The following AIMP1 variants were observed in gnomAD, a reference collection of about 807,000 sequenced individuals.
AIMP1 encodes the protein aminoacyl tRNA synthase complex-interacting multifunctional protein 1.
Under a neutral mutation model 33.1 loss-of-function variants are expected in AIMP1, and 24 were observed. The ratio of observed to expected loss-of-function variants is 0.73; its 90% CI spans 0.53 to 1.02. The LOEUF (loss-of-function observed/expected upper bound fraction) is 1.02. Ranked by LOEUF, AIMP1 falls within the 50% of genes least tolerant of loss-of-function variation. The pLI is 0.00. For missense variants in AIMP1, 367 were observed against 364.8 expected (o/e 1.01, Z -0.05); for synonymous variants, 120 against 121.5 (o/e 0.99, Z 0.08).
chr4:106,340,208 G>A (rs954352185), intron 6 of AIMP1, among the ~76,000 whole-genome samples: 2 of 151,842 alleles, frequency 1.3e-5, no homozygotes, highest in Non-Finnish European at 2.9e-5. Flanking sequence ...TTGTAGAAAT[G>A]ACTGAGGATT....
intron 1 of AIMP1, among the ~76,000 whole-genome samples, chr4:106,324,472 A>G (rs543609368): frequency 6.6e-6 from 1 of 152,176 alleles, no homozygotes; most frequent in South Asian, 2.1e-4. Flanking sequence ...TTATATCTGA[A>G]CAAGCATATG....
chr4:106,318,137 G>A (rs1769053622), intron 1 of AIMP1, among the ~76,000 whole-genome samples: 1 of 152,152 alleles, frequency 6.6e-6, no homozygotes, highest in Non-Finnish European at 1.5e-5. Flanking sequence ...TGTCTGGTAA[G>A]GGAAATAGGA....
chr4:106,316,647 A>G, intron 1 of AIMP1, 53 bp downstream of exon 1: 1 of 1,531,560 alleles, frequency 6.5e-7, no homozygotes, highest in Non-Finnish European at 8.8e-7. Context: ...TTGCGATCGT[A>G]GGGGTCTTCC....
intron 5 of AIMP1, among the ~76,000 whole-genome samples, chr4:106,332,679 A>G (rs1229186199): frequency 6.7e-6 from 1 of 149,580 alleles, no homozygotes; most frequent in Admixed American, 6.7e-5. Context: ...ATAGATATAT[A>G]CTCATTATAC....
At chr4:106,345,062 A>G (rs545688396) in intron 6 of AIMP1, among the ~76,000 whole-genome samples, 24 of 152,328 alleles carry the variant, frequency 1.6e-4, no homozygotes, top group Non-Finnish European at 2.9e-4. Flanking sequence ...TACAATGACC[A>G]GCACCTAGTA....
chr4:106,341,306 T>C (rs2125928062), intron 6 of AIMP1, among the ~76,000 whole-genome samples: 1 of 152,334 alleles, frequency 6.6e-6, no homozygotes, highest in African/African-American at 2.4e-5. Context: ...TTTTGGAGAC[T>C]TCGTCATAAA....
intron 2 of AIMP1, among the ~76,000 whole-genome samples, chr4:106,325,356 G>T (rs1769418698): frequency 6.6e-6 from 1 of 151,850 alleles, no homozygotes. Context: ...AAAATCTTTT[G>T]CTGTCACTAG....
rs543994796 is a variant in AIMP1, at chr4:106,322,203, T to C, written c.-25-2782T>C. The stretch of plus-strand genomic sequence containing the variant: ...CCAGAGACCTTTGTTCATATGTTTA[T>C]CTGCTGACCTTCCCTCCACTATTGT... On this transcript the variant is annotated intron_variant, in intron 1 of 6. Transcript: ENST00000672341. Among the ~76,000 whole-genome samples, 563 of 152,116 alleles carry C rather than the reference T, an allele frequency of 3.7e-3. 3 individuals carry two copies. The highest frequency in any genetic ancestry group is 0.013 in the African/African-American group (535 of 41,478).
At chr4:106,328,337 A>C in intron 4 of AIMP1, 94 bp downstream of exon 4, 1 of 1,421,022 alleles carries the variant, frequency 7.0e-7, no homozygotes, top group African/African-American at 1.4e-5. Context: ...TCAAAAGTAA[A>C]GTTCAACTTT....
Position 106,347,908 on chromosome 4 carries a change from G to T in AIMP1, c.*216G>T. On this transcript the variant is annotated 3_prime_UTR_variant, in exon 7 of 7. Coordinates refer to ENST00000672341, the MANE Select transcript of AIMP1 (RefSeq NM_001142416.2). ...TCATTTATAATGGAGAGAGGAAGTTGCCTATGTTTTGTAATAATTTATTTT... is the reference window on the plus strand; with the variant it reads ...TCATTTATAATGGAGAGAGGAAGTTTCCTATGTTTTGTAATAATTTATTTT... 2.5e-6 allele frequency: 1 copy of T among 398,056 alleles called. No individual in the cohort carries two copies. 24.7% of individuals were successfully genotyped at this position (398,056 alleles called of 1,614,324 possible).
At chr4:106,333,709 G>C (rs998685819) in intron 5 of AIMP1, among the ~76,000 whole-genome samples, 9 of 152,110 alleles carry the variant, frequency 5.9e-5, no homozygotes, top group Non-Finnish European at 1.0e-4. Context: ...TGAAATTAGA[G>C]CTGGGTATTT....
chr4:106,337,170 T>C (rs1219882169), intron 6 of AIMP1, 133 bp downstream of exon 6: 4 of 862,498 alleles, frequency 4.6e-6, no homozygotes, highest in South Asian at 1.5e-5. Context: ...TTAACTATTA[T>C]TGAGTTTTTC....
At chr4:106,319,781 T>G (rs1360290246) in intron 1 of AIMP1, among the ~76,000 whole-genome samples, 1 of 152,212 alleles carries the variant, frequency 6.6e-6, no homozygotes, top group Non-Finnish European at 1.5e-5. Context: ...CTAAACTGTT[T>G]TAGAGAATAC....
intron 1 of AIMP1, among the ~76,000 whole-genome samples, chr4:106,319,474 A>G (rs1179799400): frequency 6.6e-6 from 1 of 152,170 alleles, no homozygotes; most frequent in Non-Finnish European, 1.5e-5. Flanking sequence ...ATGAAGTATG[A>G]TAATTAACAT....
intron 5 of AIMP1, among the ~76,000 whole-genome samples, chr4:106,334,200 ATTTAT>A (rs1400538134): frequency 6.6e-6 from 1 of 152,084 alleles, no homozygotes; most frequent in Non-Finnish European, 1.5e-5. Context: ...AGCTGCAAGT[ATTTAT>A]TAAGCACCAA....
Position 106,328,208 on chromosome 4 carries a change from A to T in AIMP1, c.356A>T (p.Asp119Val). The change falls in exon 4 of 7, where the codon GAC becomes GTC. Residue 119 changes from aspartate to valine, a missense_variant. Physicochemically the swap from Asp to Val is radical, Grantham distance 152. Transcript: ENST00000672341. ...TKEQIKGGTGDEKKAKEKIEK... is the reference protein window; with the variant it reads ...TKEQIKGGTGVEKKAKEKIEK... Reference sequence around the variant, plus strand: ...GAACAGATAAAAGGAGGAACAGGAGACGAAAAGAAAGCGAAAGAGAAAATT... The same window carrying T: ...GAACAGATAAAAGGAGGAACAGGAGTCGAAAAGAAAGCGAAAGAGAAAATT... 6.2e-7 allele frequency: 1 copy of T among 1,612,078 alleles called. No homozygotes were observed. The highest frequency in any genetic ancestry group is 8.5e-7 in the Non-Finnish European group (1 of 1,178,572).
chr4:106,332,316 A>G (rs1486333770), intron 5 of AIMP1, among the ~76,000 whole-genome samples: 2 of 152,010 alleles, frequency 1.3e-5, no homozygotes, highest in African/African-American at 2.4e-5. Flanking sequence ...TTCCTCAAGT[A>G]TGAAAATATT....
intron 1 of AIMP1, among the ~76,000 whole-genome samples, chr4:106,322,047 C>T (rs1301267542): frequency 6.6e-6 from 1 of 152,052 alleles, no homozygotes; most frequent in East Asian, 1.9e-4. Flanking sequence ...GGATTAAGGG[C>T]GGTGCAAGAT....
intron 6 of AIMP1, among the ~76,000 whole-genome samples, chr4:106,343,540 CTT>C (rs1445171893): frequency 6.6e-6 from 1 of 152,106 alleles, no homozygotes; most frequent in African/African-American, 2.4e-5. Flanking sequence ...GTACCCATGA[CTT>C]TGAATGAATC....
Sources: allele counts gnomAD v4.1 joint callset (sites outside exome capture counted in the v4.1 genomes callset), GRCh38; gene constraint gnomAD v4.1.1; transcripts MANE v1.5; gene names NCBI Gene and HGNC (gene_info 2026-07-23, HGNC 2026-07-21).